The following PARD3B variants were observed in gnomAD, a reference collection of about 807,000 sequenced individuals.
PARD3B encodes partitioning defective 3 homolog B.
Under a neutral mutation model 130.2 loss-of-function variants are expected in PARD3B, and 103 were observed. The observed-to-expected ratio is 0.79, with a 90% CI of 0.67 to 0.93. PARD3B has a LOEUF of 0.93. Ranked by LOEUF, PARD3B falls within the 40% of genes least tolerant of loss-of-function variation. The pLI, the probability that PARD3B is intolerant of heterozygous loss-of-function variation, is 0.00. For missense variants in PARD3B, 1,609 were observed against 1,499.2 expected (o/e 1.07, Z -1.21); for synonymous variants, 583 against 553.2 (o/e 1.05, Z -0.76).
intron 19 of PARD3B, among the ~76,000 whole-genome samples, chr2:205,412,686 T>C (rs918962677): frequency 2.6e-5 from 4 of 152,200 alleles, no homozygotes; most frequent in African/African-American, 9.6e-5. Flanking sequence ...CAATCTGGAA[T>C]GTTCATACTT....
chr2:204,913,902 G>A (rs1245594555), intron 2 of PARD3B, among the ~76,000 whole-genome samples: 1 of 152,222 alleles, frequency 6.6e-6, no homozygotes, highest in Non-Finnish European at 1.5e-5. Context: ...TTGGTCTAAA[G>A]GCACCGTGAA....
chr2:204,888,860 A>G (rs1381572413), intron 2 of PARD3B, among the ~76,000 whole-genome samples: 1 of 152,148 alleles, frequency 6.6e-6, no homozygotes, highest in Non-Finnish European at 1.5e-5. Context: ...AAGATAGGAT[A>G]GGAGAGACTA....
chr2:205,077,783 A>T (rs1296232090), intron 4 of PARD3B, among the ~76,000 whole-genome samples: 1 of 152,176 alleles, frequency 6.6e-6, no homozygotes, highest in African/African-American at 2.4e-5. Context: ...GCATTAAGAA[A>T]TAGCACTTAT....
intron 1 of PARD3B, among the ~76,000 whole-genome samples, chr2:204,577,037 G>T (rs528260573): frequency 4.6e-5 from 7 of 152,148 alleles, no homozygotes; most frequent in East Asian, 3.9e-4. Flanking sequence ...TTTTTCTTGG[G>T]GGGGGATGGG....
chr2:204,733,970 A>G (rs2125346103), intron 2 of PARD3B, among the ~76,000 whole-genome samples: 1 of 152,312 alleles, frequency 6.6e-6, no homozygotes, highest in South Asian at 2.1e-4. Context: ...GAACTGCAGA[A>G]GAAAATGATA....
At chr2:204,983,722 C>A (rs1692885467) in intron 3 of PARD3B, among the ~76,000 whole-genome samples, 1 of 152,210 alleles carries the variant, frequency 6.6e-6, no homozygotes, top group African/African-American at 2.4e-5. Flanking sequence ...TTGCAAGACA[C>A]AACATCCTTA....
Position 204,906,224 on chromosome 2 carries a change from A to G in PARD3B, c.223-58928A>G, listed in dbSNP as rs1479925331. 6.6e-6 allele frequency among the ~76,000 whole-genome samples: 1 copy of G among 152,202 alleles called. No homozygotes were observed. Among genetic ancestry groups the G allele is most frequent in the Non-Finnish European group, 1.5e-5 (1 of 68,008 alleles). On this transcript the variant is annotated intron_variant, in intron 2 of 22. Coordinates refer to ENST00000406610, the MANE Select transcript of PARD3B (RefSeq NM_001302769.2). The surrounding 1 kb of genome is among the most constrained non-coding windows in gnomAD (Gnocchi z 4.3). ...TCATGGTAACTATTTGTCAAAAAGT[A>G]AAATGAACCCAGCTCTCTCTGTATG...
intron 22 of PARD3B, among the ~76,000 whole-genome samples, chr2:205,586,151 C>T (rs1575426881): frequency 6.6e-6 from 1 of 152,184 alleles, no homozygotes. Flanking sequence ...CCTTTGTGTC[C>T]GCTCTTTATT....
At chr2:204,564,141 T>C (rs903334308) in intron 1 of PARD3B, among the ~76,000 whole-genome samples, 4 of 152,226 alleles carry the variant, frequency 2.6e-5, no homozygotes, top group African/African-American at 9.6e-5. Context: ...CTATTCAGTC[T>C]GTAATTACGT....
chr2:204,772,003 C>CT (rs1184886673), intron 2 of PARD3B, among the ~76,000 whole-genome samples: 3 of 151,944 alleles, frequency 2.0e-5, no homozygotes, highest in Admixed American at 6.6e-5. Context: ...CTAAGGCTTC[C>CT]TTTTAACAAT....
chr2:205,515,008 A>G (rs2050737873), intron 21 of PARD3B, among the ~76,000 whole-genome samples: 1 of 152,004 alleles, frequency 6.6e-6, no homozygotes, highest in Non-Finnish European at 1.5e-5. Flanking sequence ...ACCCTCAAAT[A>G]GACCCCAGTG....
intron 1 of PARD3B, among the ~76,000 whole-genome samples, chr2:204,661,480 A>G (rs540189768): frequency 6.6e-6 from 1 of 152,262 alleles, no homozygotes; most frequent in South Asian, 2.1e-4. Flanking sequence ...TCATGACCAG[A>G]GGCAGAATGA....
chr2:205,488,686 AGCAC>A (rs2049544636), intron 20 of PARD3B, among the ~76,000 whole-genome samples: 1 of 152,204 alleles, frequency 6.6e-6, no homozygotes, highest in African/African-American at 2.4e-5. Flanking sequence ...AATGATGTTC[AGCAC>A]AGCATAAAAC....
chr2:205,024,162 C>CTTTTTTTTTT (rs1172893472), intron 3 of PARD3B, among the ~76,000 whole-genome samples: 66 of 98,740 alleles, frequency 6.7e-4, no homozygotes, highest in Middle Eastern at 9.1e-3. Flanking sequence ...TTCTTTCTTT[C>CTTTTTTTTTT]TTTTTTTTTT....
At chr2:205,069,299 CTTTTA>C (rs748623743) in intron 4 of PARD3B, among the ~76,000 whole-genome samples, 34 of 151,700 alleles carry the variant, frequency 2.2e-4, no homozygotes, top group Non-Finnish European at 3.8e-4. Flanking sequence ...TTTTTCTATC[CTTTTA>C]TTTTAAACTT....
At chr2:204,739,050 T>A (rs1237447277) in intron 2 of PARD3B, among the ~76,000 whole-genome samples, 1 of 152,124 alleles carries the variant, frequency 6.6e-6, no homozygotes, top group Non-Finnish European at 1.5e-5. Flanking sequence ...TCTACTTTGG[T>A]TTTTGGGAGA....
chr2:204,568,417 A>G (rs2031804136), intron 1 of PARD3B, among the ~76,000 whole-genome samples: 1 of 152,204 alleles, frequency 6.6e-6, no homozygotes, highest in African/African-American at 2.4e-5. Context: ...TGACTGGGAA[A>G]CCATTTAGAA....
At chr2:205,515,886 G>A (rs887042553) in intron 21 of PARD3B, among the ~76,000 whole-genome samples, 3 of 152,078 alleles carry the variant, frequency 2.0e-5, no homozygotes, top group Non-Finnish European at 4.4e-5. Flanking sequence ...CTATGTCCAG[G>A]ATGGTATTGC....
chr2:205,151,359 G>A lies in PARD3B; in HGVS notation c.1435-7363G>A, dbSNP rs544564520. Among the ~76,000 whole-genome samples the A allele has an allele frequency of 2.0e-4, 30 of 152,298 alleles. No homozygotes were observed. The South Asian group carries it at 6.2e-3, about 32-fold the overall frequency. Reference sequence around the variant, plus strand: ...ATTGATCTGTCTAGTGTTGACAGCAGGGTGTTAAAGTCTCCCATTATTACT... The same window carrying A: ...ATTGATCTGTCTAGTGTTGACAGCAAGGTGTTAAAGTCTCCCATTATTACT... On this transcript the variant is annotated intron_variant, in intron 10 of 22. Transcript: ENST00000406610.
Sources: allele counts gnomAD v4.1 joint callset (sites outside exome capture counted in the v4.1 genomes callset), GRCh38; gene constraint gnomAD v4.1.1; non-coding constraint Gnocchi (gnomAD v3.1); transcripts MANE v1.5; gene names NCBI Gene and HGNC (gene_info 2026-07-23, HGNC 2026-07-21).